Variants in AOX1 observed in about 807,000 individuals in gnomAD.
The protein encoded by AOX1 is aldehyde oxidase.
A neutral mutation model predicts 169.5 loss-of-function variants in AOX1; 153 were observed. The observed-to-expected ratio is 0.90, with a 90% CI of 0.79 to 1.03. The LOEUF is 1.03. AOX1 is among the 50% of genes least tolerant of loss of function. AOX1 has a pLI of 0.00. For synonymous variants in AOX1, 562 were observed against 581.9 expected, an observed-to-expected ratio of 0.97 and a Z score of 0.49; for missense variants, 1,656 against 1,663.9, an observed-to-expected ratio of 1.00 and a Z score of 0.08.
chr2:200,658,809 T>G (rs1287018338), intron 27 of AOX1, among the ~76,000 whole-genome samples: 3 of 152,190 alleles, frequency 2.0e-5, no homozygotes. Context: ...ATTGATAAGG[T>G]TCTGCTAGAA....
At chr2:200,605,691 A>T (rs1028451492) in intron 10 of AOX1, 63 bp downstream of exon 10, 1 of 687,802 alleles carries the variant, frequency 1.5e-6, no homozygotes, top group South Asian at 2.9e-5. Context: ...TACCTTGCCC[A>T]GCAGACAAGC....
chr2:200,674,021 G>A (rs1457894836), downstream of AOX1, among the ~76,000 whole-genome samples: 1 of 152,238 alleles, frequency 6.6e-6, no homozygotes, highest in Non-Finnish European at 1.5e-5. Flanking sequence ...AAGCTATACA[G>A]TAAGAAGGAA....
chr2:200,596,059 T>G (rs1350072642), intron 3 of AOX1, among the ~76,000 whole-genome samples: 1 of 152,120 alleles, frequency 6.6e-6, no homozygotes, highest in Non-Finnish European at 1.5e-5. Flanking sequence ...AAATATTTAC[T>G]CTGTGCCACA....
intron 3 of AOX1, among the ~76,000 whole-genome samples, chr2:200,596,862 T>G (rs886399801): frequency 1.3e-5 from 2 of 152,190 alleles, no homozygotes; most frequent in Non-Finnish European, 2.9e-5. Flanking sequence ...TTTACTTTGG[T>G]TTTTAGAATG....
At chr2:200,640,546 C>A (rs7587871) in intron 23 of AOX1, among the ~76,000 whole-genome samples, 61,333 of 152,016 alleles carry the variant, frequency 0.4, 13,809 homozygotes, top group East Asian at 0.79. Context: ...ATGAAGAATA[C>A]AACCGCAAAC....
At chr2:200,598,449 G>A (rs1389607129) in intron 4 of AOX1, among the ~76,000 whole-genome samples, 1 of 152,086 alleles carries the variant, frequency 6.6e-6, no homozygotes, top group African/African-American at 2.4e-5. Context: ...TTGCCCATAA[G>A]AATGCCATTT....
chr2:200,651,138 G>A lies in AOX1; in HGVS notation c.3012G>A (p.Lys1004=), dbSNP rs1266107219. ...TCAATGCAGAGAATTATTGGAAGAA[G>A]AAAGGACTGGCCATGGTCCCCCTGA... ...EKFNAENYWK[K]KGLAMVPLKF... Residue 1004 remains lysine (K), a synonymous_variant, in exon 26 of 35, where the codon AAG becomes AAA. Coordinates refer to ENST00000374700, the MANE Select transcript of AOX1 (RefSeq NM_001159.4). The A allele has an allele frequency of 6.2e-7, 1 of 1,614,094 alleles. No individual in the cohort carries two copies. Among genetic ancestry groups the A allele is most frequent in the Non-Finnish European group, 8.5e-7 (1 of 1,180,036 alleles).
intron 15 of AOX1, among the ~76,000 whole-genome samples, chr2:200,615,276 G>A (rs904265366): frequency 1.3e-5 from 2 of 152,076 alleles, no homozygotes; most frequent in Non-Finnish European, 1.5e-5. Context: ...CAAAATGCTG[G>A]AATTACAGGC....
chr2:200,665,370 A>G (rs1199745639), intron 31 of AOX1, among the ~76,000 whole-genome samples: 1 of 152,126 alleles, frequency 6.6e-6, no homozygotes, highest in East Asian at 1.9e-4. Flanking sequence ...CACAACCTAG[A>G]TCCACTCTCT....
chr2:200,604,140 T>A (rs2034468934), intron 8 of AOX1, 43 bp downstream of exon 8: 1 of 1,408,706 alleles, frequency 7.1e-7, no homozygotes, highest in African/African-American at 1.4e-5. Context: ...GAATTCATGG[T>A]GAAATATCAG....
intron 31 of AOX1, among the ~76,000 whole-genome samples, chr2:200,663,576 T>A (rs201363038): frequency 5.2e-4 from 50 of 96,742 alleles, no homozygotes; most frequent in African/African-American, 1.5e-3. Flanking sequence ...ACACACACTC[T>A]CTCTCTCTCT....
rs781348578 is a variant in AOX1 at position 200,612,619 on chromosome 2, T to C, written c.1274T>C (p.Val425Ala). Residue 425 changes from valine to alanine, a missense_variant, in exon 14 of 35, where the codon GTG becomes GCG. Val to Ala is a moderately conservative substitution (Grantham distance 64). Coordinates refer to ENST00000374700, the MANE Select transcript of AOX1 (RefSeq NM_001159.4). ...NIPYSRKWEF[V>A]SAFRQAQRQE... ...AACTGTTTCTTTCAGTGGGAATTTGTGTCAGCCTTCCGACAAGCCCAGCGA... is the reference window on the plus strand; with the variant it reads ...AACTGTTTCTTTCAGTGGGAATTTGCGTCAGCCTTCCGACAAGCCCAGCGA... The C allele has an allele frequency of 6.2e-7, 1 of 1,613,472 alleles. No individual in the cohort carries two copies.
At chr2:200,630,604 GAAGAA>G (rs1405420810) in intron 20 of AOX1, among the ~76,000 whole-genome samples, 35 of 125,368 alleles carry the variant, frequency 2.8e-4, no homozygotes, top group Admixed American at 2.5e-4. Flanking sequence ...GGAAGGAGGG[GAAGAA>G]AAGAAAAGGA....
chr2:200,669,505 G>C (rs565118984), intron 33 of AOX1, 70 bp from the exon 34 acceptor site: 1 of 1,481,340 alleles, frequency 6.8e-7, no homozygotes, highest in Non-Finnish European at 9.2e-7. Flanking sequence ...ATGCACATAT[G>C]CTATAAATAT....
At chr2:200,638,677 T>A (rs1340909716) in intron 23 of AOX1, among the ~76,000 whole-genome samples, 1 of 151,814 alleles carries the variant, frequency 6.6e-6, no homozygotes, top group Non-Finnish European at 1.5e-5. Flanking sequence ...TATGTGAAAT[T>A]GCAATTATTT....
intron 1 of AOX1, 76 bp downstream of exon 1, chr2:200,586,229 C>G: frequency 7.0e-7 from 1 of 1,428,570 alleles, no homozygotes; most frequent in Non-Finnish European, 9.3e-7. Flanking sequence ...TGCCGTTCGT[C>G]CCATCCTTTC....
downstream of AOX1, among the ~76,000 whole-genome samples, chr2:200,671,959 A>T (rs2036035402): frequency 6.6e-6 from 1 of 152,206 alleles, no homozygotes; most frequent in Non-Finnish European, 1.5e-5. Context: ...AGAGAGTTTT[A>T]TTTGGCCATA....
At chr2:200,603,664 G>A (rs2034457981) in intron 7 of AOX1, among the ~76,000 whole-genome samples, 1 of 152,164 alleles carries the variant, frequency 6.6e-6, no homozygotes, top group Non-Finnish European at 1.5e-5. Context: ...GTAAAGTGGA[G>A]ATGTCATGAA....
chr2:200,599,200 G>A (rs2034351805), intron 4 of AOX1, among the ~76,000 whole-genome samples: 2 of 152,140 alleles, frequency 1.3e-5, no homozygotes, highest in African/African-American at 4.8e-5. Context: ...CAACTTGAGT[G>A]TAATTTGGTT....
Sources: allele counts gnomAD v4.1 joint callset (sites outside exome capture counted in the v4.1 genomes callset), GRCh38; gene constraint gnomAD v4.1.1; transcripts MANE v1.5; gene names NCBI Gene and HGNC (gene_info 2026-07-23, HGNC 2026-07-21).